Variants in LENG8 observed in about 807,000 individuals in gnomAD.
LENG8 encodes leukocyte receptor cluster member 8, also known as leukocyte receptor cluster (LRC) member 8.
In LENG8, 28 loss-of-function variants were observed where a neutral mutation model predicts 102.1. That is an observed-to-expected ratio of 0.27 (90% confidence interval 0.20 to 0.38). The LOEUF is 0.38. Ranked by LOEUF, LENG8 falls within the 10% of genes least tolerant of loss-of-function variation. LENG8 has a pLI of 1.00. For synonymous variants in LENG8, 531 were observed against 456.7 expected, an observed-to-expected ratio of 1.16 and a Z score of -2.07; for missense variants, 1,022 against 1,113.9, an observed-to-expected ratio of 0.92 and a Z score of 1.17.
chr19:54,452,348 C>A, intron 3 of LENG8, 81 bp downstream of exon 3: 1 of 1,263,204 alleles, frequency 7.9e-7, no homozygotes, highest in African/African-American at 1.5e-5. Flanking sequence ...TTGTATCATT[C>A]AGACGGGGTG....
At position 54,462,000 on chromosome 19, in the gene LENG8, A is replaced by G. The variant is rs940909647; in HGVS notation, c.*1072A>G. ...GGAAGCTTGAGAGAAACCAAAATTA[A>G]AGAGAGAAAGAGAGAGCGTGCACGC... is the stretch of plus-strand genomic sequence containing the variant. On this transcript the variant is annotated 3_prime_UTR_variant, in exon 16 of 16. Transcript: ENST00000326764. 7 of 1,415,688 alleles carry G rather than the reference A, an allele frequency of 4.9e-6. No homozygotes were observed. Among genetic ancestry groups the G allele is most frequent in the East Asian group, 2.3e-5 (1 of 43,950 alleles). 87.7% of individuals were successfully genotyped at this position (1,415,688 alleles called of 1,614,324 possible).
Position 54,451,323 on chromosome 19 carries a change from C to T in LENG8, c.-22C>T. 6.2e-7 allele frequency: 1 copy of T among 1,614,050 alleles called. No homozygotes were observed. The highest frequency in any genetic ancestry group is 8.5e-7 in the Non-Finnish European group (1 of 1,179,908). Reference sequence around the variant, plus strand: ...AAAGCAGTCTGGCTCCCGAGGTCCACCCCTTATACCCCAAGGTCCAGATGG... The same window carrying T: ...AAAGCAGTCTGGCTCCCGAGGTCCATCCCTTATACCCCAAGGTCCAGATGG... On this transcript the variant is annotated 5_prime_UTR_variant, in exon 2 of 16. Transcript: ENST00000326764.
In LENG8 at chr19:54,456,136, A is replaced by T. The variant is rs776649076; in HGVS notation, c.1195A>T (p.Thr399Ser). 1 of 1,610,882 alleles carries T rather than the reference A, an allele frequency of 6.2e-7. No individual in the cohort carries two copies. Among genetic ancestry groups the T allele is most frequent in the South Asian group, 1.1e-5 (1 of 90,812 alleles). Residue 399 changes from threonine to serine, a missense_variant, in exon 9 of 16, where the codon ACC (threonine) becomes TCC (serine). Thr to Ser is a moderately conservative substitution (Grantham distance 58). Around this residue, in one of 7 missense-constraint regions of LENG8, gnomAD observed 326 missense variants for 324.5 expected, o/e 1.00. Transcript: ENST00000326764. ...GAGRARGNSF[T>S]KFGNRNVFMK... is the part of the protein sequence containing the mutation. ...CGGTCGAGCCCGGGGCAACAGCTTCACCAAGTTTGGCAACCGCAACGTCTT... is the reference window on the plus strand; with the variant it reads ...CGGTCGAGCCCGGGGCAACAGCTTCTCCAAGTTTGGCAACCGCAACGTCTT...
At position 54,456,675 on chromosome 19, in the gene LENG8, G is replaced by A. The variant is rs746868407; in HGVS notation, c.1485G>A (p.Met495Ile). The A allele has an allele frequency of 6.2e-7, 1 of 1,612,758 alleles. No individual in the cohort carries two copies. Among genetic ancestry groups the A allele is most frequent in the East Asian group, 2.2e-5 (1 of 44,830 alleles). ...LAPTKRSRKK[M>I]AALECEDPER... ...CCACCAAGCGCAGTCGAAAGAAGAT[G>A]GCGGCGCTGGAGTGTGAGGACCCGG... The change falls in exon 11 of 16, where the codon ATG (methionine) becomes ATA (isoleucine). Residue 495 changes from methionine (M) to isoleucine (I), a missense_variant. By Grantham distance (10) the Met-to-Ile change is conservative. Around this residue, in one of 7 missense-constraint regions of LENG8, gnomAD observed 326 missense variants for 324.5 expected, o/e 1.00. Coordinates refer to ENST00000326764, the MANE Select transcript of LENG8 (RefSeq NM_052925.4).
chr19:54,461,922 C>T lies in LENG8; in HGVS notation c.*994C>T. 1.1e-6 allele frequency: 1 copy of T among 915,890 alleles called. No homozygotes were observed. The allele number at this position is 915,890 out of a possible 1,614,324, so 56.7% of individuals were successfully genotyped here. ...CTCCTCTGCCTCCCCTTCCCCTCCT[C>T]TCCCCTCCTTTTCCTTCCTTCCTTC... is the stretch of plus-strand genomic sequence containing the variant. On this transcript the variant is annotated 3_prime_UTR_variant, in exon 16 of 16. Transcript: ENST00000326764.
At chr19:54,460,163 T>G in intron 15 of LENG8, 1 of 1,289,980 alleles carries the variant, frequency 7.8e-7, no homozygotes, top group Non-Finnish European at 1.0e-6. Flanking sequence ...TAGGACTTAG[T>G]GCCCCTCACT....
chr19:54,461,208 C>T lies in LENG8; in HGVS notation c.*280C>T, dbSNP rs958150823. On this transcript the variant is annotated 3_prime_UTR_variant, in exon 16 of 16. Transcript: ENST00000326764. Reference sequence around the variant, plus strand: ...GGCTCATCTGTGTCCGCCTTTCACTCCACTAATGCTGTCTCAGTGTTTTCT... The same window carrying T: ...GGCTCATCTGTGTCCGCCTTTCACTTCACTAATGCTGTCTCAGTGTTTTCT... 6.1e-5 allele frequency: 40 copies of T among 658,510 alleles called. No individual in the cohort carries two copies. The Middle Eastern group carries it at 9.5e-4, about 16-fold the overall frequency. 40.8% of individuals were successfully genotyped at this position (658,510 alleles called of 1,614,324 possible). A position where few individuals can be genotyped will look rare whatever the true frequency, so the allele number is the denominator to read the frequency against.
chr19:54,454,370 A>G lies in LENG8; in HGVS notation c.427-60A>G, dbSNP rs1013212957. On this transcript the variant is annotated intron_variant, in intron 5 of 15. Transcript: ENST00000326764. ...CACTGCGTCCTCACAGCGAGGGCTG[A>G]GTGCCACTCGCCAGCCCCAGAATCT... The G allele has an allele frequency of 8.9e-5, 135 of 1,518,258 alleles. 1 individual carries two copies. The Admixed American group carries it at 2.6e-3, about 30-fold the overall frequency. The allele number at this position is 1,518,258 out of a possible 1,614,324, so 94.0% of individuals were successfully genotyped here.
intron 15 of LENG8, 47 bp from the exon 16 acceptor site, chr19:54,460,719 G>GCCCCCC: frequency 1.3e-6 from 1 of 778,920 alleles, no homozygotes. Flanking sequence ...GCCCTCCCCT[G>GCCCCCC]CCCTCCCGCC....
rs2084501456 is a variant in LENG8, at chr19:54,460,762, A to G, written c.2241-4A>G. On this transcript the variant is annotated splice_region_variant and splice_polypyrimidine_tract_variant and intron_variant, in intron 15 of 15. Coordinates refer to ENST00000326764, the MANE Select transcript of LENG8 (RefSeq NM_052925.4). ...CTCATCACCTTCTCCTCTTGTCTCCATAGCTTCCGCCCTGCGCTGCCAGTC... is the reference window on the plus strand; with the variant it reads ...CTCATCACCTTCTCCTCTTGTCTCCGTAGCTTCCGCCCTGCGCTGCCAGTC... 1.7e-6 allele frequency: 2 copies of G among 1,172,304 alleles called. No homozygotes were observed. Among genetic ancestry groups the G allele is most frequent in the South Asian group, 1.3e-5 (1 of 75,488 alleles). 72.6% of individuals were successfully genotyped at this position (1,172,304 alleles called of 1,614,324 possible). A position where few individuals can be genotyped will look rare whatever the true frequency, so the allele number is the denominator to read the frequency against.
chr19:54,455,087 C>G lies in LENG8; in HGVS notation c.816C>G (p.Asn272Lys), dbSNP rs1484243603. The part of the protein sequence containing the change: ...GPQPNPEKVQ[N>K]HSGSSARGNL... ...AGCCCAACCCTGAGAAAGTTCAGAA[C>G]CACAGGTGACGTCTGCCCCCTTGCC... is the stretch of plus-strand genomic sequence containing the variant. Residue 272 changes from asparagine to lysine, a missense_variant, in exon 7 of 16, where the codon AAC becomes AAG. Around this residue, in one of 7 missense-constraint regions of LENG8, gnomAD observed 343 missense variants for 320.2 expected, o/e 1.07. Transcript: ENST00000326764. 1.9e-6 allele frequency: 3 copies of G among 1,614,102 alleles called. No individual in the cohort carries two copies. In the Middle Eastern group the frequency reaches 4.9e-4, roughly 265 times the overall value.
chr19:54,455,192 C>G, intron 7 of LENG8, 100 bp downstream of exon 7: 1 of 1,536,760 alleles, frequency 6.5e-7, no homozygotes. Context: ...CCTCAGTGTG[C>G]GCCTCTGAAA....
Position 54,458,595 on chromosome 19 carries a change from C to T in LENG8, c.2240+74C>T. 3 of 1,596,540 alleles carry T rather than the reference C, an allele frequency of 1.9e-6. No individual in the cohort carries two copies. The African/African-American group carries it at 4.0e-5, about 21-fold the overall frequency. On this transcript the variant is annotated intron_variant, in intron 15 of 15. Coordinates refer to ENST00000326764, the MANE Select transcript of LENG8 (RefSeq NM_052925.4). ...CCTCGCACCGCCCCTCAGACCAGCT[C>T]CTGGCCGCAGGCCTCCCCCAGCCCC...
chr19:54,451,294 T>C lies in LENG8; in HGVS notation c.-51T>C. The C allele has an allele frequency of 6.3e-7, 1 of 1,596,138 alleles. No homozygotes were observed. The highest frequency in any genetic ancestry group is 8.6e-7 in the Non-Finnish European group (1 of 1,163,614). On this transcript the variant is annotated 5_prime_UTR_variant, in exon 2 of 16. Transcript: ENST00000326764. ...AACTCATTCTTTTTCTCATAGACAG[T>C]GAAAAAGCAGTCTGGCTCCCGAGGT... is the stretch of plus-strand genomic sequence containing the variant.
chr19:54,459,382 G>C lies in LENG8; in HGVS notation c.2240+861G>C, dbSNP rs536418907. 3.6e-5 allele frequency: 36 copies of C among 993,650 alleles called. No individual in the cohort carries two copies. The African/African-American group carries it at 5.9e-4, about 16-fold the overall frequency. The allele number at this position is 993,650 out of a possible 1,614,324, so 61.6% of individuals were successfully genotyped here. ...CTGTCCACGTGAGGTCATAGTCACA[G>C]CATGGAGGCCTTGAGAGCCTGGCCA... On this transcript the variant is annotated intron_variant, in intron 15 of 15. Transcript: ENST00000326764.
Position 54,454,412 on chromosome 19 carries a change from G to A in LENG8, c.427-18G>A, listed in dbSNP as rs1219621606. On this transcript the variant is annotated intron_variant, in intron 5 of 15. Transcript: ENST00000326764. Reference sequence around the variant, plus strand: ...CCAGAATCTGCCTCCCGTGCTCAGCGCCTGCTTCCTTCTGCAGCCCCCAGT... The same window carrying A: ...CCAGAATCTGCCTCCCGTGCTCAGCACCTGCTTCCTTCTGCAGCCCCCAGT... 2 of 1,586,664 alleles carry A rather than the reference G, an allele frequency of 1.3e-6. No individual in the cohort carries two copies. Among genetic ancestry groups the A allele is most frequent in the Non-Finnish European group, 1.7e-6 (2 of 1,165,166 alleles).
In LENG8 at chr19:54,456,920, C is replaced by T; in HGVS notation, c.1730C>T (p.Ala577Val). 1 of 1,603,968 alleles carries T rather than the reference C, an allele frequency of 6.2e-7. No homozygotes were observed. The change falls in exon 11 of 16, where the codon GCA becomes GTA. Residue 577 changes from alanine (A) to valine (V), a missense_variant and splice_region_variant. Ala to Val is a moderately conservative substitution (Grantham distance 64). Transcript: ENST00000326764. The stretch of plus-strand genomic sequence containing the variant: ...GACCCGTCCACCGTGCGCCCTGTGG[C>T]AGTAAGTGCCCAGCAGGGCAGTTCT... ...APDPSTVRPVAVLKKSLCMVK... is the reference protein window; with the variant it reads ...APDPSTVRPVVVLKKSLCMVK...
In LENG8 at chr19:54,460,913, G is replaced by C. The variant is rs773009456; in HGVS notation, c.2388G>C (p.Gln796His). 14 of 1,549,116 alleles carry C rather than the reference G, an allele frequency of 9.0e-6. No homozygotes were observed. The highest frequency in any genetic ancestry group is 1.1e-5 in the Non-Finnish European group (13 of 1,149,098). Residue 796 changes from glutamine to histidine, a missense_variant, in exon 16 of 16, where the codon CAG becomes CAC. By Grantham distance (24) the Gln-to-His change is conservative. Coordinates refer to ENST00000326764, the MANE Select transcript of LENG8 (RefSeq NM_052925.4). ...TCGACTGCCGCCTCAGCCTGGCGCA[G>C]CTGTCAGCCTTCTGAGCACCCAGCG... is the stretch of plus-strand genomic sequence containing the variant. ...SSIDCRLSLA[Q>H]LSAF
At chr19:54,450,611 TC>T (rs1441746853) in intron 1 of LENG8, among the ~76,000 whole-genome samples, 1 of 136,718 alleles carries the variant, frequency 7.3e-6, no homozygotes, top group East Asian at 2.2e-4. Flanking sequence ...CAACCCGTAC[TC>T]CCTAGCTTTT....
Sources: gnomAD v4.1 joint callset for allele counts (sites outside exome capture counted in the v4.1 genomes callset) on GRCh38, gnomAD v4.1.1 for gene constraint, gnomAD v4.1.1 regional missense constraint, MANE v1.5 for transcripts, NCBI Gene and HGNC (gene_info 2026-07-23, HGNC 2026-07-21) for gene names.